The following PABPC1L variants were observed in gnomAD, a reference collection of about 807,000 sequenced individuals.
PABPC1L encodes the protein poly(A) binding protein cytoplasmic 1 like.
PABPC1L carries 31 observed loss-of-function variants against 66.6 expected under a neutral mutation model. The ratio of observed to expected loss-of-function variants is 0.47; its 90% CI spans 0.35 to 0.63. The LOEUF (loss-of-function observed/expected upper bound fraction) is 0.63. Among genes scored for constraint, PABPC1L ranks in the 20% least tolerant of loss-of-function variants. PABPC1L has a pLI of 0.00. For synonymous variants in PABPC1L, 348 were observed against 335.1 expected (o/e 1.04, Z -0.42); for missense variants, 722 against 848.8 (o/e 0.85, Z 1.86).
intron 11 of PABPC1L, among the ~76,000 whole-genome samples, chr20:44,936,087 C>T (rs2066898657): frequency 6.6e-6 from 1 of 151,938 alleles, no homozygotes; most frequent in African/African-American, 2.4e-5. Context: ...ATCCTCCCAC[C>T]TCAGCCTCCA....
intron 1 of PABPC1L, among the ~76,000 whole-genome samples, chr20:44,911,485 C>CA (rs921132842): frequency 8.6e-5 from 13 of 152,016 alleles, no homozygotes; most frequent in African/African-American, 2.9e-4. Context: ...AAACAACAAA[C>CA]AAAAAAGAAA....
chr20:44,911,099 G>A (rs1189378949), intron 1 of PABPC1L, among the ~76,000 whole-genome samples: 1 of 151,998 alleles, frequency 6.6e-6, no homozygotes, highest in African/African-American at 2.4e-5. Context: ...AATGGTAACT[G>A]CTTGTTACCT....
In PABPC1L at chr20:44,919,915, G is replaced by A. The variant is rs553394973; in HGVS notation, c.738+638G>A. Among the ~76,000 whole-genome samples the A allele has an allele frequency of 2.0e-5, 3 of 152,316 alleles. No homozygotes were observed. In the South Asian group the frequency reaches 6.2e-4, roughly 32 times the overall value. ...ATGATGCTGTCATGCCATTATGAGA[G>A]AATTATGCTTGCTACTTTGTTCAAA... On this transcript the variant is annotated intron_variant, in intron 5 of 14. Coordinates refer to ENST00000217073, the MANE Select transcript of PABPC1L (RefSeq NM_001372179.1).
At chr20:44,937,635 A>C (rs753258364) in intron 12 of PABPC1L, among the ~76,000 whole-genome samples, 10 of 152,120 alleles carry the variant, frequency 6.6e-5, no homozygotes, top group Admixed American at 2.6e-4. Flanking sequence ...GGCTGGTTTC[A>C]AACTCCTGAT....
intron 7 of PABPC1L, among the ~76,000 whole-genome samples, chr20:44,925,206 G>C (rs2066801194): frequency 9.1e-6 from 1 of 110,212 alleles, no homozygotes; most frequent in Admixed American, 1.1e-4. Flanking sequence ...GCGAGACTCT[G>C]TCTCAAAAAA....
intron 6 of PABPC1L, among the ~76,000 whole-genome samples, chr20:44,922,077 T>C (rs1367709761): frequency 1.3e-5 from 2 of 152,170 alleles, no homozygotes; most frequent in African/African-American, 4.8e-5. Context: ...CAGATGCCCC[T>C]AGAGGAAATC....
At chr20:44,919,415 C>G in intron 5 of PABPC1L, 138 bp downstream of exon 5, 1 of 901,178 alleles carries the variant, frequency 1.1e-6, no homozygotes, top group South Asian at 1.6e-5. Flanking sequence ...TGTGTGCAGG[C>G]AAAGCCCTTC....
At chr20:44,914,237 C>A in intron 2 of PABPC1L, among the ~76,000 whole-genome samples, 1 of 130,014 alleles carries the variant, frequency 7.7e-6, no homozygotes, top group Non-Finnish European at 1.6e-5. Context: ...GACGGAGTCT[C>A]ACTCTGTTGC....
In PABPC1L at chr20:44,936,676, C is replaced by A. The variant is rs2066903176; in HGVS notation, c.1606C>A (p.Leu536Met). The change falls in exon 12 of 15, where the codon CTG (leucine) becomes ATG (methionine). Residue 536 changes from leucine to methionine, a missense_variant. By Grantham distance (15) the Leu-to-Met change is conservative. Transcript: ENST00000217073. Reference sequence around the variant, plus strand: ...TGTGCACATCCCAGGACAGGAGCCCCTGACCGCGTCCATGCTGGCTGCGGC... The same window carrying A: ...TGTGCACATCCCAGGACAGGAGCCCATGACCGCGTCCATGCTGGCTGCGGC... Reference protein sequence around the residue: ...PAVHIPGQEPLTASMLAAAPL... With the variant: ...PAVHIPGQEPMTASMLAAAPL... 6.2e-7 allele frequency: 1 copy of A among 1,607,534 alleles called. No homozygotes were observed. The highest frequency in any genetic ancestry group is 1.7e-5 in the Admixed American group (1 of 58,986).
intron 10 of PABPC1L, 99 bp downstream of exon 10, chr20:44,933,284 TG>T: frequency 1.0e-6 from 1 of 980,182 alleles, no homozygotes; most frequent in Non-Finnish European, 1.5e-6. Context: ...GCCCTCTCGG[TG>T]AGCAAAGCTG....
At chr20:44,911,927 A>G (rs967058199) in intron 1 of PABPC1L, among the ~76,000 whole-genome samples, 1 of 152,180 alleles carries the variant, frequency 6.6e-6, no homozygotes, top group Non-Finnish European at 1.5e-5. Flanking sequence ...GAAACAGGTC[A>G]CGTGTATCAC....
intron 9 of PABPC1L, 140 bp downstream of exon 9, chr20:44,932,572 TCTGAGCATGGGC>T (rs2066869239): frequency 1.5e-5 from 10 of 681,360 alleles, no homozygotes; most frequent in South Asian, 1.2e-4. Flanking sequence ...AGTTTCCTCT[TCTGAGCATGGGC>T]CTGAATGAGA....
chr20:44,919,348 G>A, intron 5 of PABPC1L, 71 bp downstream of exon 5: 2 of 1,514,160 alleles, frequency 1.3e-6, no homozygotes, highest in Non-Finnish European at 1.8e-6. Context: ...GGTCCCAGCT[G>A]CCTGTGGAGG....
chr20:44,924,371 CG>C (rs1370681730), intron 7 of PABPC1L, 115 bp downstream of exon 7: 1 of 765,544 alleles, frequency 1.3e-6, no homozygotes, highest in Non-Finnish European at 2.1e-6. Flanking sequence ...GGGTTGGTGC[CG>C]GCTACCCCTT....
chr20:44,923,739 G>A (rs1033081900), intron 6 of PABPC1L, among the ~76,000 whole-genome samples: 7 of 152,096 alleles, frequency 4.6e-5, no homozygotes, highest in African/African-American at 1.7e-4. Context: ...AGGGGATGGA[G>A]GGGCAGCTCA....
At position 44,933,104 on chromosome 20, in the gene PABPC1L, C is replaced by T. The variant is rs1263635958; in HGVS notation, c.1378C>T (p.Arg460Trp). The part of the protein sequence containing the change: ...ASMVRPPVVP[R>W]RPPAHISSVR... ...AATGGTCCGGCCACCAGTTGTGCCT[C>T]GGCGCCCCCCGGCCCACATCAGCAG... Residue 460 changes from arginine (R) to tryptophan (W), a missense_variant, in exon 10 of 15, where the codon CGG becomes TGG. By Grantham distance (101) the Arg-to-Trp change is moderately radical. Transcript: ENST00000217073. 21 of 1,605,332 alleles carry T rather than the reference C, an allele frequency of 1.3e-5. No homozygotes were observed. Among genetic ancestry groups the T allele is most frequent in the Admixed American group, 1.0e-4 (6 of 58,396 alleles).
At chr20:44,935,539 G>A (rs780752888) in intron 11 of PABPC1L, 42 bp downstream of exon 11, 6 of 1,565,996 alleles carry the variant, frequency 3.8e-6, no homozygotes, top group Non-Finnish European at 3.5e-6. Flanking sequence ...TGGGCTCCTG[G>A]CCGCCTGGCT....
At chr20:44,939,067 T>G (rs1261521950) in intron 14 of PABPC1L, 59 bp from the exon 15 acceptor site, 1 of 717,036 alleles carries the variant, frequency 1.4e-6, no homozygotes, top group Non-Finnish European at 2.6e-6. Flanking sequence ...ACCTTCTTTA[T>G]TGAAGACTGG....
At chr20:44,914,278 C>T (rs2066724329) in intron 2 of PABPC1L, among the ~76,000 whole-genome samples, 1 of 149,302 alleles carries the variant, frequency 6.7e-6, no homozygotes, top group Admixed American at 6.7e-5. Flanking sequence ...GCGATCTCAG[C>T]TCACTGCAAC....
Sources: allele counts gnomAD v4.1 joint callset (sites outside exome capture counted in the v4.1 genomes callset), GRCh38; gene constraint gnomAD v4.1.1; transcripts MANE v1.5; gene names NCBI Gene and HGNC (gene_info 2026-07-23, HGNC 2026-07-21).